The following PLA2G4A variants were observed in gnomAD, a reference collection of about 807,000 sequenced individuals.
PLA2G4A encodes the protein cytosolic phospholipase A2.
A neutral mutation model predicts 81.9 loss-of-function variants in PLA2G4A; 40 were observed. The ratio of observed to expected loss-of-function variants is 0.49; its 90% CI spans 0.38 to 0.64. The LOEUF is 0.64. Among genes scored for constraint, PLA2G4A ranks in the 30% least tolerant of loss-of-function variants. The pLI is 0.00. For synonymous variants in PLA2G4A, 302 were observed against 296.9 expected, an observed-to-expected ratio of 1.02 and a Z score of -0.18; for missense variants, 715 against 905.1, an observed-to-expected ratio of 0.79 and a Z score of 2.69.
intron 5 of PLA2G4A, among the ~76,000 whole-genome samples, chr1:186,899,107 C>T (rs1194220333): frequency 1.3e-5 from 2 of 152,132 alleles, no homozygotes; most frequent in Non-Finnish European, 2.9e-5. Context: ...ATGACAAGTG[C>T]TAACTAAACT....
rs1182299116 is a variant in PLA2G4A at position 186,946,948 on chromosome 1, G to A, written c.1251G>A (p.Met417Ile). The change falls in exon 12 of 18, where the codon ATG (methionine) becomes ATA (isoleucine). Residue 417 changes from methionine (M) to isoleucine (I), a missense_variant. Physicochemically the swap from Met to Ile is conservative, Grantham distance 10. Coordinates refer to ENST00000367466, the MANE Select transcript of PLA2G4A (RefSeq NM_024420.3). ...GTTCACAAAGCAGAGGCTCCACAAT[G>A]GAGGAAGAATTAGGTATCCTAAAGA... The part of the protein sequence containing the change: ...VSGSQSRGST[M>I]EEELENITTK... 1.3e-6 allele frequency: 2 copies of A among 1,595,736 alleles called. No homozygotes were observed. Among genetic ancestry groups the A allele is most frequent in the Admixed American group, 1.7e-5 (1 of 59,928 alleles).
intron 15 of PLA2G4A, among the ~76,000 whole-genome samples, chr1:186,977,322 A>G (rs12720685): frequency 1.4e-3 from 216 of 152,312 alleles, no homozygotes; most frequent in African/African-American, 4.9e-3. Context: ...CAGCTTCTTC[A>G]ACATAATTTT....
chr1:186,847,357 C>CGTGTGT (rs34724808), intron 1 of PLA2G4A, among the ~76,000 whole-genome samples: 1,547 of 146,270 alleles, frequency 0.011, 13 homozygotes, highest in East Asian at 0.04. Context: ...TTATTTCATA[C>CGTGTGT]GTGTGTGTGT....
intron 6 of PLA2G4A, among the ~76,000 whole-genome samples, chr1:186,908,046 T>C (rs1438594029): frequency 6.6e-6 from 1 of 152,080 alleles, no homozygotes; most frequent in Non-Finnish European, 1.5e-5. Flanking sequence ...AAAAATTTCT[T>C]TTTTTGTATG....
chr1:186,831,528 T>G (rs1169316614), intron 1 of PLA2G4A, among the ~76,000 whole-genome samples: 3 of 152,172 alleles, frequency 2.0e-5, no homozygotes, highest in Non-Finnish European at 4.4e-5. Context: ...GAAAATCAGA[T>G]GCAAGTTATT....
chr1:186,868,903 T>C (rs569349915), intron 2 of PLA2G4A, among the ~76,000 whole-genome samples: 2 of 152,044 alleles, frequency 1.3e-5, no homozygotes, highest in South Asian at 2.1e-4. Flanking sequence ...ATTAGTAGTT[T>C]TGTTCTCTCT....
intron 8 of PLA2G4A, among the ~76,000 whole-genome samples, chr1:186,938,659 T>C (rs1656039177): frequency 6.6e-6 from 1 of 152,176 alleles, no homozygotes; most frequent in Admixed American, 6.5e-5. Context: ...TCAATTCATT[T>C]ACATGACTCA....
At chr1:186,865,973 T>C (rs1429979556) in intron 2 of PLA2G4A, among the ~76,000 whole-genome samples, 1 of 152,198 alleles carries the variant, frequency 6.6e-6, no homozygotes. Context: ...AGGCAAAGCT[T>C]AATCTTTGTG....
intron 5 of PLA2G4A, among the ~76,000 whole-genome samples, chr1:186,905,849 T>C (rs1179725450): frequency 6.6e-6 from 1 of 152,224 alleles, no homozygotes; most frequent in African/African-American, 2.4e-5. Context: ...TTTGTATAGA[T>C]GTTTTCAATA....
intron 3 of PLA2G4A, among the ~76,000 whole-genome samples, chr1:186,890,606 A>G (rs1276337206): frequency 6.6e-6 from 1 of 152,214 alleles, no homozygotes; most frequent in Non-Finnish European, 1.5e-5. Context: ...CTGTAATCCC[A>G]GCACTTCGGG....
chr1:186,921,163 C>G (rs1457557311), intron 7 of PLA2G4A, among the ~76,000 whole-genome samples: 1 of 152,072 alleles, frequency 6.6e-6, no homozygotes, highest in Non-Finnish European at 1.5e-5. Flanking sequence ...CATGTCTGGT[C>G]TCTTGTTCAG....
At chr1:186,832,809 ATATT>A (rs1651641702) in intron 1 of PLA2G4A, among the ~76,000 whole-genome samples, 1 of 152,324 alleles carries the variant, frequency 6.6e-6, no homozygotes, top group East Asian at 1.9e-4. Context: ...ATTTTGAAGA[ATATT>A]AAGAGTCTTA....
intron 9 of PLA2G4A, among the ~76,000 whole-genome samples, chr1:186,939,678 G>A (rs1656080334): frequency 6.6e-6 from 1 of 152,142 alleles, no homozygotes; most frequent in South Asian, 2.1e-4. Flanking sequence ...ATAAAGCAGA[G>A]GAGCGCCTGT....
chr1:186,887,853 T>G (rs1283296687), intron 3 of PLA2G4A, among the ~76,000 whole-genome samples: 1 of 152,218 alleles, frequency 6.6e-6, no homozygotes, highest in Non-Finnish European at 1.5e-5. Context: ...GTGATGGTTA[T>G]AGATTATGCA....
At chr1:186,909,584 C>A (rs1057288250) in intron 6 of PLA2G4A, among the ~76,000 whole-genome samples, 1 of 148,146 alleles carries the variant, frequency 6.8e-6, no homozygotes, top group Non-Finnish European at 1.5e-5. Flanking sequence ...CGCTGGAACC[C>A]AGGAGGCGGA....
At chr1:186,934,167 G>C (rs1041289681) in intron 8 of PLA2G4A, among the ~76,000 whole-genome samples, 25 of 151,886 alleles carry the variant, frequency 1.6e-4, no homozygotes, top group African/African-American at 6.0e-4. Flanking sequence ...CAATCATTTT[G>C]TTATTATTCT....
chr1:186,884,854 T>G (rs1237525957), intron 3 of PLA2G4A, among the ~76,000 whole-genome samples: 2 of 149,478 alleles, frequency 1.3e-5, no homozygotes, highest in Non-Finnish European at 3.0e-5. Context: ...ATGGTGCCAC[T>G]GCACTCCAGG....
At chr1:186,946,530 A>G (rs1407586445) in intron 10 of PLA2G4A, 107 bp from the exon 11 acceptor site, 12 of 838,308 alleles carry the variant, frequency 1.4e-5, no homozygotes, top group Admixed American at 1.9e-5. Context: ...TATTTTAAAT[A>G]CATGAATGAG....
intron 1 of PLA2G4A, among the ~76,000 whole-genome samples, chr1:186,847,411 GC>G (rs1427939062): frequency 1.3e-5 from 2 of 151,020 alleles, no homozygotes; most frequent in East Asian, 3.9e-4. Flanking sequence ...CAATAATTCT[GC>G]CCGGTTTTGT....
Sources: gnomAD v4.1 joint callset for allele counts (sites outside exome capture counted in the v4.1 genomes callset) on GRCh38, gnomAD v4.1.1 for gene constraint, MANE v1.5 for transcripts, NCBI Gene and HGNC (gene_info 2026-07-23, HGNC 2026-07-21) for gene names.